Variants in ABCA1 observed in about 807,000 individuals in gnomAD.
The protein encoded by ABCA1 is phospholipid-transporting ATPase ABCA1.
ABCA1 carries 133 observed loss-of-function variants against 262.5 expected under a neutral mutation model. That is an observed-to-expected ratio of 0.51 (90% CI 0.44 to 0.59). The LOEUF (loss-of-function observed/expected upper bound fraction) is 0.59, where lower values mean the gene tolerates loss of function less well. ABCA1 is among the 20% of genes least tolerant of loss of function. ABCA1 has a pLI of 0.00. For missense variants in ABCA1, 2,452 were observed against 2,777.5 expected, an observed-to-expected ratio of 0.88 and a Z score of 2.63; for synonymous variants, 1,022 against 1,043.5, an observed-to-expected ratio of 0.98 and a Z score of 0.40.
chr9:104,811,545 C>T (rs1831282318), intron 28 of ABCA1, among the ~76,000 whole-genome samples: 1 of 152,104 alleles, frequency 6.6e-6, no homozygotes, highest in Non-Finnish European at 1.5e-5. Context: ...CTAAGACTTT[C>T]TACCATATCT....
chr9:104,830,870 C>A, intron 14 of ABCA1, 55 bp downstream of exon 14: 2 of 1,589,774 alleles, frequency 1.3e-6, no homozygotes, highest in Non-Finnish European at 8.6e-7. Flanking sequence ...CATATATACA[C>A]CCCCATCTGG....
rs1462723264 is a variant in ABCA1 at position 104,789,250 on chromosome 9, A to G, written c.5928-683T>C. Among the ~76,000 whole-genome samples, 6 of 152,330 alleles carry G rather than the reference A, an allele frequency of 3.9e-5. No individual in the cohort carries two copies. The South Asian group carries it at 8.3e-4, about 21-fold the overall frequency. On this transcript the variant is annotated intron_variant, in intron 44 of 49. Coordinates refer to ENST00000374736, the MANE Select transcript of ABCA1 (RefSeq NM_005502.4). Reference sequence around the variant, plus strand: ...GACACCGTGCCAGGCCCTCACAGCTATACCAACCAAATCAGTTCTTACAAC... The same window carrying G: ...GACACCGTGCCAGGCCCTCACAGCTGTACCAACCAAATCAGTTCTTACAAC...
At position 104,843,659 on chromosome 9, in the gene ABCA1, TG is replaced by T. The variant is rs568638236; in HGVS notation, c.813+1817del. Among the ~76,000 whole-genome samples the T allele has an allele frequency of 2.3e-3, 345 of 152,296 alleles. 4 individuals are homozygous for T. The highest frequency in any genetic ancestry group is 8.0e-3 in the African/African-American group (331 of 41,568). ...TTGTCATGTGGAGCATACAGGGAAA[TG>T]GGTGACACTGTCTGAACCTAGGCAG... is the stretch of plus-strand genomic sequence containing the variant. On this transcript the variant is annotated intron_variant, in intron 8 of 49. Transcript: ENST00000374736.
intron 1 of ABCA1, among the ~76,000 whole-genome samples, chr9:104,918,590 CATTT>C (rs1209930890): frequency 6.6e-6 from 1 of 152,186 alleles, no homozygotes; most frequent in Non-Finnish European, 1.5e-5. Flanking sequence ...TGTATTAGTG[CATTT>C]AATTTTCAAA....
intron 7 of ABCA1, among the ~76,000 whole-genome samples, chr9:104,850,110 G>T (rs970278164): frequency 1.5e-5 from 2 of 130,788 alleles, no homozygotes; most frequent in Non-Finnish European, 3.1e-5. Context: ...GATGGTACAG[G>T]AGTGTTCTTT....
chr9:104,815,407 T>G (rs1003503030), intron 25 of ABCA1, among the ~76,000 whole-genome samples: 8 of 152,296 alleles, frequency 5.3e-5, no homozygotes, highest in African/African-American at 1.9e-4. Flanking sequence ...GGAGACCACT[T>G]GGCCAGACAG....
At chr9:104,868,276 T>C (rs541865710) in intron 5 of ABCA1, among the ~76,000 whole-genome samples, 193 of 152,230 alleles carry the variant, frequency 1.3e-3, no homozygotes, top group African/African-American at 4.4e-3. Context: ...GGAGAATTGC[T>C]TGGAGGCAGA....
Position 104,784,371 on chromosome 9 carries a change from C to T in ABCA1, c.6730G>A (p.Val2244Ile), listed in dbSNP as rs144588452. 361 of 1,614,094 alleles carry T rather than the reference C, an allele frequency of 2.2e-4. No individual in the cohort carries two copies. The Middle Eastern group carries it at 2.3e-3, about 10-fold the overall frequency. Residue 2244 changes from valine (V) to isoleucine (I), a missense_variant, in exon 50 of 50, where the codon GTT becomes ATT. Physicochemically the swap from Val to Ile is conservative, Grantham distance 29 (BLOSUM62 3). This residue lies in a region of ABCA1 where 752 missense variants were observed against 944.5 expected (regional missense o/e 0.80). Coordinates refer to ENST00000374736, the MANE Select transcript of ABCA1 (RefSeq NM_005502.4). ...SLHKNQTVVD[V>I]AVLTSFLQDE... ...TGTAGAAAAGATGTGAGAACTGCAA[C>T]GTCCACTACTGTCTGGTTTTTGTGT... is the stretch of plus-strand genomic sequence containing the variant.
At chr9:104,841,810 C>T (rs991278336) in intron 8 of ABCA1, among the ~76,000 whole-genome samples, 3 of 152,234 alleles carry the variant, frequency 2.0e-5, no homozygotes, top group Non-Finnish European at 1.5e-5. Flanking sequence ...ACCCAGGCAG[C>T]GTTCTGTCTT....
chr9:104,788,710 C>A, intron 44 of ABCA1, 143 bp from the exon 45 acceptor site: 1 of 1,111,016 alleles, frequency 9.0e-7, no homozygotes, highest in Non-Finnish European at 1.3e-6. Context: ...CACAGCCTTT[C>A]TGCCCCCAGG....
intron 8 of ABCA1, among the ~76,000 whole-genome samples, chr9:104,843,121 C>A (rs1834533750): frequency 6.6e-6 from 1 of 152,194 alleles, no homozygotes; most frequent in South Asian, 2.1e-4. Context: ...CCTTCTCATG[C>A]TCTATGCCCC....
rs1050319048 is a variant in ABCA1, at chr9:104,782,364, A to G, written c.*1951T>C. ...AATATTCTGTAAATTTAAAAAATAT[A>G]GAAAGATTAATTTGAAATCTGAAGT... On this transcript the variant is annotated 3_prime_UTR_variant, in exon 50 of 50. Transcript: ENST00000374736. 6.6e-6 allele frequency: 1 copy of G among 152,134 alleles called. No individual in the cohort carries two copies. Among genetic ancestry groups the G allele is most frequent in the African/African-American group, 2.4e-5 (1 of 41,450 alleles). The allele number at this position is 152,134 out of a possible 1,614,324, so 9.4% of individuals were successfully genotyped here. A position where few individuals can be genotyped will look rare whatever the true frequency, so the allele number is the denominator to read the frequency against.
intron 9 of ABCA1, among the ~76,000 whole-genome samples, chr9:104,837,980 C>T (rs1474197435): frequency 6.6e-6 from 1 of 152,196 alleles, no homozygotes; most frequent in Non-Finnish European, 1.5e-5. Context: ...TTTAAACTGA[C>T]TCTTGAGGGG....
At chr9:104,812,842 C>G (rs899894488) in intron 27 of ABCA1, 120 bp from the exon 28 acceptor site, 2 of 1,337,276 alleles carry the variant, frequency 1.5e-6, no homozygotes, top group African/African-American at 2.9e-5. Flanking sequence ...CTAGAAGTTT[C>G]TCAGAAGTAA....
At chr9:104,823,562 C>T (rs1011698181) in intron 18 of ABCA1, among the ~76,000 whole-genome samples, 1 of 152,054 alleles carries the variant, frequency 6.6e-6, no homozygotes, top group Non-Finnish European at 1.5e-5. Context: ...AAGTTCAGGG[C>T]AGAGAGTGAC....
At chr9:104,866,050 G>C (rs1837061218) in intron 5 of ABCA1, among the ~76,000 whole-genome samples, 1 of 152,186 alleles carries the variant, frequency 6.6e-6, no homozygotes, top group South Asian at 2.1e-4. Flanking sequence ...CCAAGTTCTG[G>C]AAAAGGACAG....
intron 2 of ABCA1, among the ~76,000 whole-genome samples, chr9:104,894,010 A>G (rs1046886115): frequency 1.3e-5 from 2 of 152,198 alleles, no homozygotes; most frequent in Non-Finnish European, 2.9e-5. Flanking sequence ...TTGTATCATT[A>G]CCGTTTTAGA....
At chr9:104,913,905 C>T (rs1402335178) in intron 1 of ABCA1, among the ~76,000 whole-genome samples, 1 of 152,154 alleles carries the variant, frequency 6.6e-6, no homozygotes, top group Non-Finnish European at 1.5e-5. Flanking sequence ...ACGCCATTCT[C>T]CTGCCTCAGC....
chr9:104,813,480 C>T (rs1449294786), intron 27 of ABCA1, among the ~76,000 whole-genome samples: 2 of 152,146 alleles, frequency 1.3e-5, no homozygotes, highest in East Asian at 1.9e-4. Flanking sequence ...ATGGCGCAAC[C>T]GTGGCTGACT....
Sources: allele counts gnomAD v4.1 joint callset (sites outside exome capture counted in the v4.1 genomes callset), GRCh38; gene constraint gnomAD v4.1.1; regional missense constraint gnomAD v4.1.1; transcripts MANE v1.5; gene names NCBI Gene and HGNC (gene_info 2026-07-23, HGNC 2026-07-21).